The following ZSWIM6 variants were observed in gnomAD, a reference collection of about 807,000 sequenced individuals.
The protein encoded by ZSWIM6 is zinc finger SWIM-type containing 6.
Under a neutral mutation model 113.2 loss-of-function variants are expected in ZSWIM6, and 9 were observed. That is an observed-to-expected ratio of 0.08 (90% confidence interval 0.05 to 0.14). The LOEUF (loss-of-function observed/expected upper bound fraction) is 0.14. Among genes scored for constraint, ZSWIM6 ranks in the 10% least tolerant of loss-of-function variants. ZSWIM6 has a pLI of 1.00. For missense variants in ZSWIM6, 1,162 were observed against 1,552.2 expected, an observed-to-expected ratio of 0.75 and a Z score of 4.22; for synonymous variants, 611 against 606.5, an observed-to-expected ratio of 1.01 and a Z score of -0.11.
At chr5:61,455,074 G>GA (rs979858400) in intron 1 of ZSWIM6, among the ~76,000 whole-genome samples, 3 of 151,594 alleles carry the variant, frequency 2.0e-5, no homozygotes, top group Non-Finnish European at 4.4e-5. Context: ...TTGTCTTGGG[G>GA]AAAAAAATAG....
intron 7 of ZSWIM6, among the ~76,000 whole-genome samples, chr5:61,528,552 G>A (rs2112272649): frequency 6.6e-6 from 1 of 150,604 alleles, no homozygotes; most frequent in Non-Finnish European, 1.5e-5. Flanking sequence ...TCTAGGACTC[G>A]ACTTAAATTT....
intron 1 of ZSWIM6, among the ~76,000 whole-genome samples, chr5:61,334,064 A>C (rs1375629519): frequency 6.6e-6 from 1 of 152,228 alleles, no homozygotes. Flanking sequence ...GAAACCAAAC[A>C]AAAGAGTCTC....
chr5:61,383,025 C>T lies in ZSWIM6; in HGVS notation c.676+50077C>T, dbSNP rs942349183. On this transcript the variant is annotated intron_variant, in intron 1 of 13. Transcript: ENST00000252744. ...AGGTGAAGTTCCTTTAATTTCAAAT[C>T]ATCGAATCTCATTCTTAACCTGAAA... 3.9e-5 allele frequency among the ~76,000 whole-genome samples: 6 copies of T among 152,240 alleles called. No homozygotes were observed. In the East Asian group the frequency reaches 1.2e-3, roughly 29 times the overall value.
chr5:61,390,807 C>T (rs537537348), intron 1 of ZSWIM6: 18 of 795,302 alleles, frequency 2.3e-5, no homozygotes, highest in Admixed American at 1.2e-4. Context: ...CTCCAGAGGC[C>T]GCCGTTTGGT....
chr5:61,336,852 C>T (rs1037089781), intron 1 of ZSWIM6, among the ~76,000 whole-genome samples: 3 of 152,064 alleles, frequency 2.0e-5, no homozygotes, highest in Admixed American at 2.0e-4. Context: ...GCACATTGGA[C>T]CAAAGGTTGG....
chr5:61,356,592 A>G (rs1744911303), intron 1 of ZSWIM6, among the ~76,000 whole-genome samples: 1 of 149,430 alleles, frequency 6.7e-6, no homozygotes, highest in South Asian at 2.1e-4. Context: ...GAAAATTAAA[A>G]AAGAGAAAAC....
chr5:61,440,182 G>A (rs1746796542), intron 1 of ZSWIM6, among the ~76,000 whole-genome samples: 2 of 152,020 alleles, frequency 1.3e-5, no homozygotes, highest in Admixed American at 6.6e-5. Flanking sequence ...AAAATGTTAA[G>A]CTCACATTTG....
chr5:61,344,290 A>C (rs1744610435), intron 1 of ZSWIM6, among the ~76,000 whole-genome samples: 1 of 152,206 alleles, frequency 6.6e-6, no homozygotes, highest in Non-Finnish European at 1.5e-5. Flanking sequence ...CGTTCAGCCC[A>C]GTGAACTAGC....
At chr5:61,481,009 G>T (rs964874674) in intron 2 of ZSWIM6, among the ~76,000 whole-genome samples, 1 of 152,118 alleles carries the variant, frequency 6.6e-6, no homozygotes, top group Non-Finnish European at 1.5e-5. Context: ...TTGAATTTGA[G>T]AAATCAATTT....
rs552704020 is a variant in ZSWIM6 at position 61,511,754 on chromosome 5, A to G, written c.1334-9509A>G. ...ATGTTTGTTGTTTATGAGCTACCAA[A>G]TTTATGGTATTTTTGTTATAGCAGC... is the stretch of plus-strand genomic sequence containing the variant. On this transcript the variant is annotated intron_variant, in intron 4 of 13. Transcript: ENST00000252744. Among the ~76,000 whole-genome samples, 15 of 152,272 alleles carry G rather than the reference A, an allele frequency of 9.9e-5. No individual in the cohort carries two copies. The East Asian group carries it at 2.3e-3, about 23-fold the overall frequency.
intron 1 of ZSWIM6, among the ~76,000 whole-genome samples, chr5:61,430,038 G>A (rs1286640595): frequency 6.6e-6 from 1 of 152,200 alleles, no homozygotes; most frequent in Non-Finnish European, 1.5e-5. Flanking sequence ...ATGTTGTATT[G>A]TCAGATGCTG....
intron 1 of ZSWIM6, among the ~76,000 whole-genome samples, chr5:61,397,503 A>T (rs1745861522): frequency 1.3e-5 from 2 of 151,820 alleles, no homozygotes; most frequent in African/African-American, 4.8e-5. Context: ...TCCTCCAGGG[A>T]CTGTGGCATG....
At position 61,472,103 on chromosome 5, in the gene ZSWIM6, A is replaced by T. The variant is rs187492409; in HGVS notation, c.677-578A>T. On this transcript the variant is annotated intron_variant, in intron 1 of 13. Transcript: ENST00000252744. This position sits in a 1 kb window ranked among gnomAD's most constrained non-coding sequence, Gnocchi z 4.1. The stretch of plus-strand genomic sequence containing the variant: ...CATAGACATTGCTGTATTGGGGTAT[A>T]CATTATGCATGTTGCAGAAAGGATT... Among the ~76,000 whole-genome samples the T allele has an allele frequency of 1.6e-4, 25 of 152,308 alleles. No homozygotes were observed. Among genetic ancestry groups the T allele is most frequent in the African/African-American group, 5.8e-4 (24 of 41,562 alleles).
chr5:61,365,351 CA>C (rs369690456), intron 1 of ZSWIM6, among the ~76,000 whole-genome samples: 2 of 145,452 alleles, frequency 1.4e-5, no homozygotes, highest in African/African-American at 5.0e-5. Context: ...GACTCTGTCT[CA>C]AAAAAAAAAA....
chr5:61,332,694 G>T lies in ZSWIM6; in HGVS notation c.422G>T (p.Ser141Ile), dbSNP rs1326781747. Residue 141 changes from serine to isoleucine, a missense_variant, in exon 1 of 14, where the codon AGC (serine) becomes ATC (isoleucine). By Grantham distance (142) the Ser-to-Ile change is moderately radical (BLOSUM62 -2). Coordinates refer to ENST00000252744, the MANE Select transcript of ZSWIM6 (RefSeq NM_020928.2). ...GCCGCGGGCGGCCCCGGCGACGACAGCGGTGGCGGCGGCGGCGCGGGCGGC... is the reference window on the plus strand; with the variant it reads ...GCCGCGGGCGGCCCCGGCGACGACATCGGTGGCGGCGGCGGCGCGGGCGGC... ...GGAAGGPGDDSGGGGGAGGGG... is the reference protein window; with the variant it reads ...GGAAGGPGDDIGGGGGAGGGG... 2 of 995,438 alleles carry T rather than the reference G, an allele frequency of 2.0e-6. No homozygotes were observed. The highest frequency in any genetic ancestry group is 2.4e-6 in the Non-Finnish European group (2 of 834,650). The allele number at this position is 995,438 out of a possible 1,614,324, so 61.7% of individuals were successfully genotyped here. A position where few individuals can be genotyped will look rare whatever the true frequency, so the allele number is the denominator to read the frequency against.
chr5:61,346,032 C>T (rs904360202), intron 1 of ZSWIM6, among the ~76,000 whole-genome samples: 22 of 152,140 alleles, frequency 1.4e-4, no homozygotes, highest in South Asian at 2.1e-4. Context: ...GCAACCTCCG[C>T]CTCCCGGGTT....
At chr5:61,473,662 A>G (rs530009681) in intron 2 of ZSWIM6, among the ~76,000 whole-genome samples, 1 of 152,350 alleles carries the variant, frequency 6.6e-6, no homozygotes, top group South Asian at 2.1e-4. Context: ...TCAGAAATAT[A>G]CTTACCACTT....
rs1749880234 is a variant in ZSWIM6, at chr5:61,546,050, T to G, written c.*1733T>G. 1 of 152,184 alleles carries G rather than the reference T, an allele frequency of 6.6e-6. No individual in the cohort carries two copies. The highest frequency in any genetic ancestry group is 1.5e-5 in the Non-Finnish European group (1 of 68,012). 9.4% of individuals were successfully genotyped at this position (152,184 alleles called of 1,614,324 possible). Reference sequence around the variant, plus strand: ...CACCCATGTAAACATGCTCATGAAGTTGAAAGTAATTAAGATTTGATACAC... The same window carrying G: ...CACCCATGTAAACATGCTCATGAAGGTGAAAGTAATTAAGATTTGATACAC... On this transcript the variant is annotated 3_prime_UTR_variant, in exon 14 of 14. Transcript: ENST00000252744.
intron 1 of ZSWIM6, among the ~76,000 whole-genome samples, chr5:61,353,710 T>C (rs1286487941): frequency 6.6e-6 from 1 of 152,256 alleles, no homozygotes; most frequent in African/African-American, 2.4e-5. Flanking sequence ...AGGGTGACTT[T>C]TTCTTTGTTG....
Sources: allele counts gnomAD v4.1 joint callset (sites outside exome capture counted in the v4.1 genomes callset), GRCh38; gene constraint gnomAD v4.1.1; non-coding constraint Gnocchi (gnomAD v3.1); transcripts MANE v1.5; gene names NCBI Gene and HGNC (gene_info 2026-07-23, HGNC 2026-07-21).